The following LMBRD2 variants were observed in gnomAD, a reference collection of about 807,000 sequenced individuals.
The protein encoded by LMBRD2 is LMBR1 domain containing 2.
A neutral mutation model predicts 94.4 loss-of-function variants in LMBRD2; 55 were observed. The observed-to-expected ratio is 0.58, with a 90% CI of 0.47 to 0.73. The LOEUF (loss-of-function observed/expected upper bound fraction) is 0.73, where lower values mean the gene tolerates loss of function less well. LMBRD2 is among the 30% of genes least tolerant of loss of function. The pLI is 0.00. For missense variants in LMBRD2, 640 were observed against 831.9 expected, an observed-to-expected ratio of 0.77 and a Z score of 2.84; for synonymous variants, 246 against 272.4, an observed-to-expected ratio of 0.90 and a Z score of 0.95.
At chr5:36,108,463 T>C in intron 16 of LMBRD2, 71 bp downstream of exon 16, 1 of 684,284 alleles carries the variant, frequency 1.5e-6, no homozygotes, top group Non-Finnish European at 2.4e-6. Flanking sequence ...GTGTGTATTC[T>C]AACACTCAAT....
chr5:36,110,409 A>C (rs991865019), intron 14 of LMBRD2, among the ~76,000 whole-genome samples: 1 of 152,014 alleles, frequency 6.6e-6, no homozygotes, highest in Non-Finnish European at 1.5e-5. Flanking sequence ...CTACAGACTC[A>C]CAATTCTAGC....
rs994367177 is a variant in LMBRD2 at position 36,102,860 on chromosome 5, A to G, written c.*1186T>C. On this transcript the variant is annotated 3_prime_UTR_variant, in exon 18 of 18. Transcript: ENST00000296603. ...CTGAAGTATGGTCACCAAATGTAGCATGGATTCAGTAAGAGTTGCAAATAT... is the reference window on the plus strand; with the variant it reads ...CTGAAGTATGGTCACCAAATGTAGCGTGGATTCAGTAAGAGTTGCAAATAT... 2.6e-5 allele frequency: 4 copies of G among 151,730 alleles called. No homozygotes were observed. Among genetic ancestry groups the G allele is most frequent in the African/African-American group, 9.7e-5 (4 of 41,400 alleles). The allele number at this position is 151,730 out of a possible 1,614,324, so 9.4% of individuals were successfully genotyped here.
rs756438817 is a variant in LMBRD2 at position 36,115,136 on chromosome 5, A to T, written c.1437-16T>A. On this transcript the variant is annotated splice_polypyrimidine_tract_variant and intron_variant, in intron 11 of 17. Coordinates refer to ENST00000296603, the MANE Select transcript of LMBRD2 (RefSeq NM_001007527.2). ...GCAAAATAGCCTGCAACAAACATTTAAAAATATGTATATAAAAAGTAAAGC... is the reference window on the plus strand; with the variant it reads ...GCAAAATAGCCTGCAACAAACATTTTAAAATATGTATATAAAAAGTAAAGC... 2.2e-5 allele frequency: 33 copies of T among 1,474,676 alleles called. No individual in the cohort carries two copies. In the South Asian group the frequency reaches 2.9e-4, roughly 13 times the overall value. 91.3% of individuals were successfully genotyped at this position (1,474,676 alleles called of 1,614,324 possible). A position where few individuals can be genotyped will look rare whatever the true frequency, so the allele number is the denominator to read the frequency against.
chr5:36,134,590 C>T (rs1744226212), intron 6 of LMBRD2, among the ~76,000 whole-genome samples: 1 of 152,020 alleles, frequency 6.6e-6, no homozygotes, highest in African/African-American at 2.4e-5. Flanking sequence ...GGGAGAACAC[C>T]ATGTGAAGAT....
chr5:36,113,767 C>A (rs1743671622), intron 13 of LMBRD2, among the ~76,000 whole-genome samples: 1 of 152,142 alleles, frequency 6.6e-6, no homozygotes, highest in South Asian at 2.1e-4. Flanking sequence ...TGAAAGAGGG[C>A]AGAGTACAGG....
rs1743401120 is a variant in LMBRD2, at chr5:36,103,825, T to C, written c.*221A>G. 1 of 352,992 alleles carries C rather than the reference T, an allele frequency of 2.8e-6. No individual in the cohort carries two copies. Among genetic ancestry groups the C allele is most frequent in the South Asian group, 5.0e-5 (1 of 20,036 alleles). The allele number at this position is 352,992 out of a possible 1,614,324, so 21.9% of individuals were successfully genotyped here. A position where few individuals can be genotyped will look rare whatever the true frequency, so the allele number is the denominator to read the frequency against. On this transcript the variant is annotated 3_prime_UTR_variant, in exon 18 of 18. Coordinates refer to ENST00000296603, the MANE Select transcript of LMBRD2 (RefSeq NM_001007527.2). ...ACTGTAACTGTATTTCTAAGGCAGATGCTTAGGAAATGATATGTAATAAAT... is the reference window on the plus strand; with the variant it reads ...ACTGTAACTGTATTTCTAAGGCAGACGCTTAGGAAATGATATGTAATAAAT...
At chr5:36,149,086 T>C (rs1744625045) in intron 1 of LMBRD2, among the ~76,000 whole-genome samples, 1 of 152,196 alleles carries the variant, frequency 6.6e-6, no homozygotes, top group South Asian at 2.1e-4. Context: ...CTTAGAGCAT[T>C]AAATTACAAT....
At chr5:36,143,005 G>A (rs1050862462) in intron 2 of LMBRD2, among the ~76,000 whole-genome samples, 171 bp downstream of exon 2, 1 of 152,070 alleles carries the variant, frequency 6.6e-6, no homozygotes, top group African/African-American at 2.4e-5. Context: ...AATTACAGGC[G>A]TGAGCCACCA....
intron 6 of LMBRD2, among the ~76,000 whole-genome samples, chr5:36,129,688 T>C (rs1483297313): frequency 4.6e-5 from 7 of 152,194 alleles, no homozygotes; most frequent in African/African-American, 1.7e-4. Flanking sequence ...TCATTGGTTA[T>C]AGCAAGTACA....
chr5:36,122,351 T>C lies in LMBRD2; in HGVS notation c.1049A>G (p.Gln350Arg). The part of the protein sequence containing the change: ...VAKNETSATH[Q>R]FVHTFQSPEP... Reference sequence around the variant, plus strand: ...TGGCGATTGAAAGGTGTGAACAAACTGATGAGTAGCACTAGTTTCATTTTT... The same window carrying C: ...TGGCGATTGAAAGGTGTGAACAAACCGATGAGTAGCACTAGTTTCATTTTT... The change falls in exon 9 of 18, where the codon CAG becomes CGG. Residue 350 changes from glutamine (Q) to arginine (R), a missense_variant. Physicochemically the swap from Gln to Arg is conservative, Grantham distance 43. Transcript: ENST00000296603. 1.2e-6 allele frequency: 2 copies of C among 1,612,918 alleles called. No individual in the cohort carries two copies. Among genetic ancestry groups the C allele is most frequent in the Non-Finnish European group, 1.7e-6 (2 of 1,179,486 alleles).
intron 15 of LMBRD2, among the ~76,000 whole-genome samples, chr5:36,109,409 A>G (rs1032888367): frequency 6.6e-6 from 1 of 152,118 alleles, no homozygotes; most frequent in African/African-American, 2.4e-5. Flanking sequence ...CACAAAGACA[A>G]CTATTAAGTT....
Position 36,117,844 on chromosome 5 carries a change from A to G in LMBRD2, c.1193T>C (p.Val398Ala). The G allele has an allele frequency of 6.2e-7, 1 of 1,613,986 alleles. No individual in the cohort carries two copies. Among genetic ancestry groups the G allele is most frequent in the African/African-American group, 1.3e-5 (1 of 75,044 alleles). Residue 398 changes from valine (V) to alanine (A), a missense_variant, in exon 10 of 18, where the codon GTG becomes GCG. Coordinates refer to ENST00000296603, the MANE Select transcript of LMBRD2 (RefSeq NM_001007527.2). ...TGTGCACTCTGACCACACAACAATCACAGAGAAGATGGACAGAACCACAGC... is the reference window on the plus strand; with the variant it reads ...TGTGCACTCTGACCACACAACAATCGCAGAGAAGATGGACAGAACCACAGC... Reference protein sequence around the residue: ...ILAVVLSIFSVIVVWSECTFF... With the variant: ...ILAVVLSIFSAIVVWSECTFF...
intron 6 of LMBRD2, 57 bp from the exon 7 acceptor site, chr5:36,124,322 A>T: frequency 4.1e-6 from 4 of 976,426 alleles, no homozygotes; most frequent in Non-Finnish European, 6.4e-6. Flanking sequence ...CACATATTCC[A>T]AATGAGAATG....
chr5:36,136,534 C>T lies in LMBRD2; in HGVS notation c.537-15G>A. On this transcript the variant is annotated splice_polypyrimidine_tract_variant and intron_variant, in intron 5 of 17. Coordinates refer to ENST00000296603, the MANE Select transcript of LMBRD2 (RefSeq NM_001007527.2). ...GAAGCTGGTTCCTAAGAAAGGGAAACAACAGATAATATGTATATTTTAATG... is the reference window on the plus strand; with the variant it reads ...GAAGCTGGTTCCTAAGAAAGGGAAATAACAGATAATATGTATATTTTAATG... 6.3e-7 allele frequency: 1 copy of T among 1,598,962 alleles called. No homozygotes were observed. The highest frequency in any genetic ancestry group is 8.6e-7 in the Non-Finnish European group (1 of 1,166,382).
At chr5:36,144,240 C>A (rs1268443613) in intron 1 of LMBRD2, among the ~76,000 whole-genome samples, 1 of 152,066 alleles carries the variant, frequency 6.6e-6, no homozygotes, top group Non-Finnish European at 1.5e-5. Context: ...TTTGATATCT[C>A]TCTATACTTA....
chr5:36,139,843 C>A (rs1055427748), intron 4 of LMBRD2, among the ~76,000 whole-genome samples: 1 of 152,202 alleles, frequency 6.6e-6, no homozygotes, highest in Non-Finnish European at 1.5e-5. Flanking sequence ...TGTACTATCA[C>A]TCAATAAAGC....
intron 16 of LMBRD2, among the ~76,000 whole-genome samples, chr5:36,106,015 C>T (rs1359342635): frequency 1.3e-5 from 2 of 152,120 alleles, no homozygotes; most frequent in Non-Finnish European, 1.5e-5. Flanking sequence ...TGGACTCTGT[C>T]CCAAATGCAA....
In LMBRD2 at chr5:36,104,057, T is replaced by G; in HGVS notation, c.2077A>C (p.Asn693His). 2.5e-6 allele frequency: 4 copies of G among 1,610,198 alleles called. No homozygotes were observed. Among genetic ancestry groups the G allele is most frequent in the Non-Finnish European group, 3.4e-6 (4 of 1,177,390 alleles). The change falls in exon 18 of 18, where the codon AAT becomes CAT. Residue 693 changes from asparagine to histidine, a missense_variant. By Grantham distance (68) the Asn-to-His change is moderately conservative (BLOSUM62 1). Coordinates refer to ENST00000296603, the MANE Select transcript of LMBRD2 (RefSeq NM_001007527.2). The part of the protein sequence containing the change: ...YLSMSRSDIF[N>H]DV ...AACTTTTTCAGACTTTAAACATCAT[T>G]AAATATGTCACTGCGAGACATCGAG...
At chr5:36,126,665 A>G (rs186985913) in intron 6 of LMBRD2, among the ~76,000 whole-genome samples, 107 of 152,348 alleles carry the variant, frequency 7.0e-4, no homozygotes, top group Admixed American at 6.9e-3. Flanking sequence ...GACATAGTTT[A>G]TAAGTTTTAT....
Sources: allele counts gnomAD v4.1 joint callset (sites outside exome capture counted in the v4.1 genomes callset), GRCh38; gene constraint gnomAD v4.1.1; transcripts MANE v1.5; gene names NCBI Gene and HGNC (gene_info 2026-07-23, HGNC 2026-07-21).